The following KCNK12 variants were observed in gnomAD, a reference collection of about 807,000 sequenced individuals.
KCNK12 encodes the protein potassium channel subfamily K member 12.
A neutral mutation model predicts 25.3 loss-of-function variants in KCNK12; 6 were observed. The observed-to-expected ratio is 0.24, with a 90% CI of 0.13 to 0.47. The LOEUF (loss-of-function observed/expected upper bound fraction) is 0.47. KCNK12 is among the 20% of genes least tolerant of loss of function. The pLI is 0.99. For missense variants in KCNK12, 444 were observed against 661.7 expected, an observed-to-expected ratio of 0.67 and a Z score of 3.61; for synonymous variants, 331 against 311.1, an observed-to-expected ratio of 1.06 and a Z score of -0.67.
At chr2:47,553,601 T>A (rs1669486506) in intron 1 of KCNK12, among the ~76,000 whole-genome samples, 1 of 152,194 alleles carries the variant, frequency 6.6e-6, no homozygotes, top group South Asian at 2.1e-4. Context: ...ACTAACGAGG[T>A]TGCCTGACTT....
At position 47,510,770 on chromosome 2, in the gene KCNK12, T is replaced by C. The variant is rs1467592823; in HGVS notation, c.*10137A>G. On this transcript the variant is annotated 3_prime_UTR_variant, in exon 2 of 2. Transcript: ENST00000327876. ...AGAAACAGGTCTATTAACCCTGGTA[T>C]TAATATTAACTGGCTGCCCAGAATA... 1 of 152,216 alleles carries C rather than the reference T, an allele frequency of 6.6e-6. No individual in the cohort carries two copies. Among genetic ancestry groups the C allele is most frequent in the Non-Finnish European group, 1.5e-5 (1 of 68,046 alleles). The allele number at this position is 152,216 out of a possible 1,614,324, so 9.4% of individuals were successfully genotyped here.
Position 47,514,632 on chromosome 2 carries a change from A to G in KCNK12, c.*6275T>C, listed in dbSNP as rs1668480806. On this transcript the variant is annotated 3_prime_UTR_variant, in exon 2 of 2. Coordinates refer to ENST00000327876, the MANE Select transcript of KCNK12 (RefSeq NM_022055.2). The surrounding 1 kb of genome is among the most constrained non-coding windows in gnomAD (Gnocchi z 5.0). ...TTTTTTTTTTTTCTTTCTTTTTGAG[A>G]CAGGGTCTTACTCTGTCACCAAGGC... 6.8e-6 allele frequency among the ~76,000 whole-genome samples: 1 copy of G among 146,848 alleles called. No individual in the cohort carries two copies. The highest frequency in any genetic ancestry group is 2.2e-4 in the South Asian group (1 of 4,632).
intron 1 of KCNK12, among the ~76,000 whole-genome samples, chr2:47,552,459 G>C (rs1320339409): frequency 6.6e-6 from 1 of 152,154 alleles, no homozygotes. Flanking sequence ...CAAATCTCCA[G>C]ATGCATTGTT....
intron 1 of KCNK12, among the ~76,000 whole-genome samples, chr2:47,535,790 A>G (rs1485065440): frequency 6.6e-6 from 1 of 152,156 alleles, no homozygotes; most frequent in Admixed American, 6.5e-5. Context: ...CCCTGAGATG[A>G]GCATTCAATC....
At position 47,562,139 on chromosome 2, in the gene KCNK12, A is replaced by C; in HGVS notation, c.391+7802T>G. ...ATTGCCAGGAGCTCATGAGGAATGC[A>C]GACTGTCAGGTCCCACCCCAGACCT... On this transcript the variant is annotated intron_variant, in intron 1 of 1. Coordinates refer to ENST00000327876, the MANE Select transcript of KCNK12 (RefSeq NM_022055.2). This position sits in a 1 kb window ranked among gnomAD's most constrained non-coding sequence, Gnocchi z 4.8. The C allele has an allele frequency of 2.5e-6, 1 of 398,654 alleles. No homozygotes were observed. Among genetic ancestry groups the C allele is most frequent in the Non-Finnish European group, 4.4e-6 (1 of 226,084 alleles). The allele number at this position is 398,654 out of a possible 1,614,324, so 24.7% of individuals were successfully genotyped here. A position where few individuals can be genotyped will look rare whatever the true frequency, so the allele number is the denominator to read the frequency against.
chr2:47,509,602 G>A lies in KCNK12; in HGVS notation c.*11305C>T, dbSNP rs148761816. ...CCCTGTCCGAGGACTGTGGCATGAC[G>A]TGCTGGAGTCACGATTCTGTCACCC... On this transcript the variant is annotated 3_prime_UTR_variant, in exon 2 of 2. Transcript: ENST00000327876. Among the ~76,000 whole-genome samples, 6 of 152,330 alleles carry A rather than the reference G, an allele frequency of 3.9e-5. No homozygotes were observed. Among genetic ancestry groups the A allele is most frequent in the African/African-American group, 7.2e-5 (3 of 41,566 alleles).
rs1020461601 is a variant in KCNK12 at position 47,509,681 on chromosome 2, A to G, written c.*11226T>C. Reference sequence around the variant, plus strand: ...GTGGCCAGGTTGGAGTTGATTGCCAATGATAGGTCTTTTTCTGCTTAAATC... The same window carrying G: ...GTGGCCAGGTTGGAGTTGATTGCCAGTGATAGGTCTTTTTCTGCTTAAATC... On this transcript the variant is annotated 3_prime_UTR_variant, in exon 2 of 2. Transcript: ENST00000327876. Among the ~76,000 whole-genome samples the G allele has an allele frequency of 1.2e-4, 19 of 152,238 alleles. No homozygotes were observed. The highest frequency in any genetic ancestry group is 4.6e-4 in the African/African-American group (19 of 41,464).
rs1668441058 is a variant in KCNK12, at chr2:47,513,009, T to G, written c.*7898A>C. The G allele has an allele frequency of 6.5e-6, 1 of 154,270 alleles. No homozygotes were observed. Among genetic ancestry groups the G allele is most frequent in the Non-Finnish European group, 1.4e-5 (1 of 69,378 alleles). 9.6% of individuals were successfully genotyped at this position (154,270 alleles called of 1,614,324 possible). A position where few individuals can be genotyped will look rare whatever the true frequency, so the allele number is the denominator to read the frequency against. On this transcript the variant is annotated 3_prime_UTR_variant, in exon 2 of 2. Coordinates refer to ENST00000327876, the MANE Select transcript of KCNK12 (RefSeq NM_022055.2). ...TTTTCCTGATTATCTTGCAGCTATA[T>G]TAGGTCATGTGACAAAGTTCTGGCC...
Position 47,512,437 on chromosome 2 carries a change from T to G in KCNK12, c.*8470A>C, listed in dbSNP as rs1558541984. 1 of 1,595,520 alleles carries G rather than the reference T, an allele frequency of 6.3e-7. No individual in the cohort carries two copies. Among genetic ancestry groups the G allele is most frequent in the East Asian group, 2.2e-5 (1 of 44,570 alleles). ...AGGGCAGTGGTGAGCTCTCATGACCTGGTGTCTGTTGCCTTCTGGTTAAGT... is the reference window on the plus strand; with the variant it reads ...AGGGCAGTGGTGAGCTCTCATGACCGGGTGTCTGTTGCCTTCTGGTTAAGT... On this transcript the variant is annotated 3_prime_UTR_variant, in exon 2 of 2. Coordinates refer to ENST00000327876, the MANE Select transcript of KCNK12 (RefSeq NM_022055.2).
At chr2:47,526,634 A>G (rs9309147) in intron 1 of KCNK12, among the ~76,000 whole-genome samples, 151,626 of 152,170 alleles carry the variant, frequency 1, 75,546 homozygotes, top group East Asian at 1. Flanking sequence ...TTGGGAGGCT[A>G]AGCCAGGAGA....
At chr2:47,545,868 G>A (rs1669301718) in intron 1 of KCNK12, among the ~76,000 whole-genome samples, 1 of 151,768 alleles carries the variant, frequency 6.6e-6, no homozygotes, top group South Asian at 2.1e-4. Context: ...AAATAGAGAA[G>A]AGGAGGTCAT....
In KCNK12 at chr2:47,562,840, A is replaced by T. The variant is rs1408826339; in HGVS notation, c.391+7101T>A. 4.3e-6 allele frequency: 1 copy of T among 233,092 alleles called. No individual in the cohort carries two copies. Among genetic ancestry groups the T allele is most frequent in the Admixed American group, 5.6e-5 (1 of 17,784 alleles). 14.4% of individuals were successfully genotyped at this position (233,092 alleles called of 1,614,324 possible). A position where few individuals can be genotyped will look rare whatever the true frequency, so the allele number is the denominator to read the frequency against. Reference sequence around the variant, plus strand: ...GAGTATGACCGTGTCTCTTAAAAAAACTTTGGTGAGGATCAGAGGCTGGAC... The same window carrying T: ...GAGTATGACCGTGTCTCTTAAAAAATCTTTGGTGAGGATCAGAGGCTGGAC... On this transcript the variant is annotated intron_variant, in intron 1 of 1. Transcript: ENST00000327876. This position sits in a 1 kb window ranked among gnomAD's most constrained non-coding sequence, Gnocchi z 4.8.
rs1668529340 is a variant in KCNK12 at position 47,516,578 on chromosome 2, G to A, written c.*4329C>T. 1 of 152,224 alleles carries A rather than the reference G, an allele frequency of 6.6e-6. No individual in the cohort carries two copies. The highest frequency in any genetic ancestry group is 2.4e-5 in the African/African-American group (1 of 41,436). The allele number at this position is 152,224 out of a possible 1,614,324, so 9.4% of individuals were successfully genotyped here. On this transcript the variant is annotated 3_prime_UTR_variant, in exon 2 of 2. Coordinates refer to ENST00000327876, the MANE Select transcript of KCNK12 (RefSeq NM_022055.2). ...AGACAGAAAGCAAACAGCTCAGAGG[G>A]GTGGCAGGCTGCATTTTATTCATCG...
At position 47,551,787 on chromosome 2, in the gene KCNK12, C is replaced by T. The variant is rs1454462343; in HGVS notation, c.391+18154G>A. Among the ~76,000 whole-genome samples, 4 of 152,242 alleles carry T rather than the reference C, an allele frequency of 2.6e-5. No individual in the cohort carries two copies. Among genetic ancestry groups the T allele is most frequent in the Non-Finnish European group, 4.4e-5 (3 of 68,052 alleles). ...TATTGGTTTAAGATTCAGTTCTAGC[C>T]ACAGGCTGCACTGTGCATAAATCTA... On this transcript the variant is annotated intron_variant, in intron 1 of 1. Coordinates refer to ENST00000327876, the MANE Select transcript of KCNK12 (RefSeq NM_022055.2). The surrounding 1 kb of genome is among the most constrained non-coding windows in gnomAD (Gnocchi z 5.3).
intron 1 of KCNK12, among the ~76,000 whole-genome samples, chr2:47,535,545 C>T (rs1032772088): frequency 6.6e-6 from 1 of 152,138 alleles, no homozygotes; most frequent in African/African-American, 2.4e-5. Context: ...GGTTGATGGC[C>T]CGCACACAGG....
At chr2:47,552,447 C>T (rs936781274) in intron 1 of KCNK12, among the ~76,000 whole-genome samples, 2 of 152,136 alleles carry the variant, frequency 1.3e-5, no homozygotes, top group Non-Finnish European at 2.9e-5. Context: ...GAGACATGCC[C>T]ACAAATCTCC....
intron 1 of KCNK12, among the ~76,000 whole-genome samples, chr2:47,534,521 C>T (rs1342059418): frequency 5.6e-5 from 7 of 124,086 alleles, no homozygotes; most frequent in Middle Eastern, 3.7e-3. Context: ...TCTAACCCCC[C>T]CCCCCGCCCC....
intron 1 of KCNK12, among the ~76,000 whole-genome samples, chr2:47,537,047 T>C (rs1669086988): frequency 6.6e-6 from 1 of 152,228 alleles, no homozygotes; most frequent in African/African-American, 2.4e-5. Context: ...CCTTGCCTGA[T>C]CAGGGGTTCT....
rs1345226158 is a variant in KCNK12, at chr2:47,570,125, C to G, written c.207G>C (p.Arg69=). Residue 69 remains arginine, a synonymous_variant, in exon 1 of 2, where the codon CGG becomes CGC. Coordinates refer to ENST00000327876, the MANE Select transcript of KCNK12 (RefSeq NM_022055.2). The part of the protein sequence containing the change: ...ALESPGEAEA[R]ARWGATLRNF... ...TGCGCAGCGTGGCGCCCCAGCGCGC[C>G]CGCGCCTCCGCCTCGCCGGGGCTCT... 4.2e-6 allele frequency: 6 copies of G among 1,431,984 alleles called. No homozygotes were observed. In the East Asian group the frequency reaches 1.5e-4, roughly 36 times the overall value. The allele number at this position is 1,431,984 out of a possible 1,614,324, so 88.7% of individuals were successfully genotyped here.
Sources: allele counts gnomAD v4.1 joint callset (sites outside exome capture counted in the v4.1 genomes callset), GRCh38; gene constraint gnomAD v4.1.1; non-coding constraint Gnocchi (gnomAD v3.1); transcripts MANE v1.5; gene names NCBI Gene and HGNC (gene_info 2026-07-23, HGNC 2026-07-21).